The following NRXN1 variants were observed in gnomAD, a reference collection of about 807,000 sequenced individuals.
NRXN1 encodes neurexin-1.
Under a neutral mutation model 150.9 loss-of-function variants are expected in NRXN1, and 39 were observed. That is an observed-to-expected ratio of 0.26 (90% CI 0.20 to 0.34). The LOEUF (loss-of-function observed/expected upper bound fraction) is 0.34, where lower values mean the gene tolerates loss of function less well. Ranked by LOEUF, NRXN1 falls within the 10% of genes least tolerant of loss-of-function variation. NRXN1 has a pLI of 1.00. For synonymous variants in NRXN1, 924 were observed against 757.0 expected (o/e 1.22, Z -3.62); for missense variants, 1,815 against 1,949.9 (o/e 0.93, Z 1.30).
intron 5 of NRXN1, among the ~76,000 whole-genome samples, chr2:50,784,844 C>T (rs1187637775): frequency 6.6e-6 from 1 of 151,924 alleles, no homozygotes; most frequent in African/African-American, 2.4e-5. Context: ...ATAGTGGGGG[C>T]ACTGTATACA....
chr2:50,883,980 C>A (rs888140696), intron 5 of NRXN1, among the ~76,000 whole-genome samples: 1 of 151,710 alleles, frequency 6.6e-6, no homozygotes, highest in Non-Finnish European at 1.5e-5. Flanking sequence ...AAATATTCTG[C>A]TTTTTGCTAA....
intron 17 of NRXN1, among the ~76,000 whole-genome samples, chr2:50,267,323 A>G (rs2152919624): frequency 6.6e-6 from 1 of 152,332 alleles, no homozygotes; most frequent in South Asian, 2.1e-4. Context: ...TCTCAGAAAT[A>G]CTATGTTAAA....
At chr2:50,071,623 G>A (rs1573740478) in intron 19 of NRXN1, among the ~76,000 whole-genome samples, 1 of 152,316 alleles carries the variant, frequency 6.6e-6, no homozygotes, top group East Asian at 1.9e-4. Flanking sequence ...TGGACTTCCA[G>A]CCTCCAGAAC....
chr2:50,876,750 T>C (rs1240856986), intron 5 of NRXN1, among the ~76,000 whole-genome samples: 1 of 151,850 alleles, frequency 6.6e-6, no homozygotes, highest in African/African-American at 2.4e-5. Context: ...TTCGGCTCTT[T>C]ATTTTTAAGC....
At chr2:50,471,624 G>T (rs1157024735) in intron 16 of NRXN1, among the ~76,000 whole-genome samples, 1 of 151,758 alleles carries the variant, frequency 6.6e-6, no homozygotes, top group African/African-American at 2.4e-5. Flanking sequence ...ACAAACTAAT[G>T]CAGGAACAGA....
At position 50,371,117 on chromosome 2, in the gene NRXN1, G is replaced by T. The variant is rs569241479; in HGVS notation, c.3364+94325C>A. On this transcript the variant is annotated intron_variant, in intron 17 of 22. Transcript: ENST00000401669. ...AACTTAGCAATGATCTTTGTCGATT[G>T]AGGGCAGTGTTAATGAGCTGTAAAA... Among the ~76,000 whole-genome samples the T allele has an allele frequency of 6.4e-4, 97 of 152,120 alleles. 2 individuals carry two copies. The highest frequency in any genetic ancestry group is 2.2e-4 in the Non-Finnish European group (15 of 67,952).
At chr2:50,193,922 G>C (rs1239817808) in intron 18 of NRXN1, among the ~76,000 whole-genome samples, 1 of 152,066 alleles carries the variant, frequency 6.6e-6, no homozygotes, top group Non-Finnish European at 1.5e-5. Flanking sequence ...TGTTGATAAT[G>C]ACTATTACAC....
intron 17 of NRXN1, among the ~76,000 whole-genome samples, chr2:50,263,502 G>C (rs1331629361): frequency 6.6e-6 from 1 of 151,790 alleles, no homozygotes; most frequent in African/African-American, 2.4e-5. Flanking sequence ...ATTCTGATTG[G>C]GATCATTCAT....
intron 22 of NRXN1, among the ~76,000 whole-genome samples, chr2:49,932,158 G>C (rs1042972671): frequency 9.8e-5 from 15 of 152,294 alleles, no homozygotes; most frequent in African/African-American, 3.1e-4. Context: ...ATTCATGCCT[G>C]TAATCCCAGT....
intron 2 of NRXN1, among the ~76,000 whole-genome samples, chr2:50,939,293 A>G (rs1323005383): frequency 6.6e-6 from 1 of 151,504 alleles, no homozygotes; most frequent in Admixed American, 6.6e-5. Context: ...TTTAGAAATC[A>G]TATTTTTTGG....
chr2:50,723,430 C>T (rs1342241539), intron 5 of NRXN1, among the ~76,000 whole-genome samples: 1 of 152,124 alleles, frequency 6.6e-6, no homozygotes, highest in African/African-American at 2.4e-5. Flanking sequence ...AGCTACATTA[C>T]CCATGCATCT....
At position 49,921,926 on chromosome 2, in the gene NRXN1, C is replaced by G. The variant is rs201303041; in HGVS notation, c.*18G>C. 7.3e-5 allele frequency: 118 copies of G among 1,609,576 alleles called. No homozygotes were observed. Among genetic ancestry groups the G allele is most frequent in the Non-Finnish European group, 9.6e-5 (113 of 1,176,192 alleles). On this transcript the variant is annotated 3_prime_UTR_variant, in exon 23 of 23. Coordinates refer to ENST00000401669, the MANE Select transcript of NRXN1 (RefSeq NM_001330078.2). Reference sequence around the variant, plus strand: ...ATGAAGACTATTTCTATACAAGTGTCCATTTAAGATCTTGGGATCAGACAT... The same window carrying G: ...ATGAAGACTATTTCTATACAAGTGTGCATTTAAGATCTTGGGATCAGACAT...
At chr2:50,801,554 A>T (rs923112885) in intron 5 of NRXN1, among the ~76,000 whole-genome samples, 38 of 152,154 alleles carry the variant, frequency 2.5e-4, no homozygotes, top group African/African-American at 8.9e-4. Flanking sequence ...CATTATACCT[A>T]TGACACAAGC....
chr2:50,463,005 T>C (rs1314951456), intron 17 of NRXN1, among the ~76,000 whole-genome samples: 1 of 151,810 alleles, frequency 6.6e-6, no homozygotes, highest in Non-Finnish European at 1.5e-5. Flanking sequence ...TCTATGTAAT[T>C]GGAGGCTGCA....
At chr2:49,962,964 TAAATAAATA>T (rs1267465971) in intron 21 of NRXN1, among the ~76,000 whole-genome samples, 2 of 151,120 alleles carry the variant, frequency 1.3e-5, no homozygotes, top group African/African-American at 4.9e-5. Flanking sequence ...AATAAATAAA[TAAATAAATA>T]AATAAATAAA....
intron 17 of NRXN1, among the ~76,000 whole-genome samples, chr2:50,324,751 C>G (rs2076278330): frequency 6.6e-6 from 1 of 152,206 alleles, no homozygotes; most frequent in Admixed American, 6.5e-5. Context: ...GCTTCTCCTT[C>G]CACTCCTCCA....
Position 50,472,281 on chromosome 2 carries a change from T to A in NRXN1, c.3244+17A>T. On this transcript the variant is annotated intron_variant, in intron 16 of 22. Coordinates refer to ENST00000401669, the MANE Select transcript of NRXN1 (RefSeq NM_001330078.2). Reference sequence around the variant, plus strand: ...GGAATTAGAATTATTTAGAGCATGATGACAAAAATCTAATACCTTCACATC... The same window carrying A: ...GGAATTAGAATTATTTAGAGCATGAAGACAAAAATCTAATACCTTCACATC... 1 of 1,527,228 alleles carries A rather than the reference T, an allele frequency of 6.5e-7. No homozygotes were observed. Among genetic ancestry groups the A allele is most frequent in the Non-Finnish European group, 8.8e-7 (1 of 1,134,010 alleles). The allele number at this position is 1,527,228 out of a possible 1,614,324, so 94.6% of individuals were successfully genotyped here.
chr2:50,414,297 T>C (rs1390100171), intron 17 of NRXN1, among the ~76,000 whole-genome samples: 2 of 152,110 alleles, frequency 1.3e-5, no homozygotes, highest in African/African-American at 4.8e-5. Context: ...CTTTACGCCA[T>C]AAATATATAC....
At chr2:50,773,723 G>A (rs1703276975) in intron 5 of NRXN1, among the ~76,000 whole-genome samples, 1 of 152,092 alleles carries the variant, frequency 6.6e-6, no homozygotes, top group Non-Finnish European at 1.5e-5. Context: ...CAGGGTTGGG[G>A]GATGGCAGAA....
Sources: gnomAD v4.1 joint callset for allele counts (sites outside exome capture counted in the v4.1 genomes callset) on GRCh38, gnomAD v4.1.1 for gene constraint, MANE v1.5 for transcripts, NCBI Gene and HGNC (gene_info 2026-07-23, HGNC 2026-07-21) for gene names.